Variants in MDGA2 observed in about 807,000 individuals in gnomAD.
The protein encoded by MDGA2 is MAM domain-containing glycosylphosphatidylinositol anchor protein 2.
In MDGA2, 40 loss-of-function variants were observed where a neutral mutation model predicts 117.8. That is an observed-to-expected ratio of 0.34 (90% CI 0.26 to 0.44). The LOEUF (loss-of-function observed/expected upper bound fraction) is 0.44. Among genes scored for constraint, MDGA2 ranks in the 20% least tolerant of loss-of-function variants. The pLI is 1.00. For missense variants in MDGA2, 1,123 were observed against 1,250.6 expected (o/e 0.90, Z 1.54); for synonymous variants, 452 against 439.0 (o/e 1.03, Z -0.37).
intron 8 of MDGA2, among the ~76,000 whole-genome samples, chr14:47,004,998 T>A (rs964043135): frequency 2.0e-5 from 3 of 151,662 alleles, no homozygotes; most frequent in Non-Finnish European, 4.4e-5. Flanking sequence ...AGCTCTAGTA[T>A]CTTTTGTAGA....
intron 2 of MDGA2, among the ~76,000 whole-genome samples, chr14:47,237,232 A>G (rs778103225): frequency 6.6e-6 from 1 of 152,188 alleles, no homozygotes; most frequent in Non-Finnish European, 1.5e-5. Context: ...AAAACACCTT[A>G]GTTCCCTGAC....
intron 1 of MDGA2, among the ~76,000 whole-genome samples, chr14:47,311,394 G>A (rs1889629531): frequency 6.6e-6 from 1 of 152,136 alleles, no homozygotes; most frequent in Admixed American, 6.6e-5. Context: ...GCAGAGAATT[G>A]TGAGGATCTG....
chr14:47,102,931 C>G (rs188392032), intron 5 of MDGA2, among the ~76,000 whole-genome samples: 2 of 152,212 alleles, frequency 1.3e-5, no homozygotes, highest in East Asian at 3.9e-4. Flanking sequence ...GACTTTGTTT[C>G]CATGTAAATC....
chr14:47,659,933 G>A (rs1438153755), intron 1 of MDGA2, among the ~76,000 whole-genome samples: 3 of 152,042 alleles, frequency 2.0e-5, no homozygotes, highest in East Asian at 1.9e-4. Flanking sequence ...TAACATTAGC[G>A]CTATTTCCAG....
At chr14:47,364,256 A>T (rs1461493430) in intron 1 of MDGA2, among the ~76,000 whole-genome samples, 2 of 152,122 alleles carry the variant, frequency 1.3e-5, no homozygotes, top group African/African-American at 4.8e-5. Context: ...TTAATCCAGA[A>T]TTATATTATA....
chr14:47,429,054 G>A (rs972819534), intron 1 of MDGA2, among the ~76,000 whole-genome samples: 12 of 151,972 alleles, frequency 7.9e-5, no homozygotes, highest in Admixed American at 4.6e-4. Context: ...GTAAAACCCC[G>A]TCTCTACTAA....
chr14:46,918,158 T>G (rs991859725), intron 10 of MDGA2, among the ~76,000 whole-genome samples: 2 of 152,180 alleles, frequency 1.3e-5, no homozygotes, highest in Admixed American at 1.3e-4. Flanking sequence ...GATACAATTA[T>G]GACTCTATCT....
Position 46,882,194 on chromosome 14 carries a change from C to A in MDGA2, c.2266G>T (p.Glu756Ter). 1 of 1,611,290 alleles carries A rather than the reference C, an allele frequency of 6.2e-7. No individual in the cohort carries two copies. The highest frequency in any genetic ancestry group is 8.5e-7 in the Non-Finnish European group (1 of 1,178,514). The change falls in exon 11 of 17, where the codon GAG (glutamate) becomes TAG (stop). Residue 756 changes from glutamate to a stop codon, truncating the protein, a stop_gained. Coordinates refer to ENST00000399232, the MANE Select transcript of MDGA2 (RefSeq NM_001113498.3). LOFTEE classifies it high-confidence loss of function. ...TGAATATTCCCATTTATTTTAATCT[C>A]CTGCTCCCACCAGCGCTGCTGTCCA... ...QAGQQRWWEQ[E>*]IKINGNIQKG...
chr14:47,389,596 A>C lies in MDGA2; in HGVS notation c.281-88046T>G, dbSNP rs561942293. The stretch of plus-strand genomic sequence containing the variant: ...ATTACCCTTTTGCAGGAAAACACAC[A>C]CACACACACCCACACACACACACAC... On this transcript the variant is annotated intron_variant, in intron 1 of 16. Coordinates refer to ENST00000399232, the MANE Select transcript of MDGA2 (RefSeq NM_001113498.3). 1.0e-4 allele frequency among the ~76,000 whole-genome samples: 11 copies of C among 108,362 alleles called. No individual in the cohort carries two copies. In the South Asian group the frequency reaches 1.8e-3, roughly 18 times the overall value. The allele number at this position is 108,362 out of a possible 152,430, so 71.1% of individuals were successfully genotyped here.
chr14:47,674,457 C>A (rs1376345128), intron 1 of MDGA2, 60 bp downstream of exon 1: 3 of 1,448,668 alleles, frequency 2.1e-6, no homozygotes, highest in Admixed American at 4.6e-5. Flanking sequence ...TGCATTTTCG[C>A]TCACCAGCCT....
At chr14:47,666,237 C>T (rs1406362464) in intron 1 of MDGA2, among the ~76,000 whole-genome samples, 2 of 146,294 alleles carry the variant, frequency 1.4e-5, no homozygotes, top group Non-Finnish European at 3.1e-5. Context: ...ATTGTGAATA[C>T]ACCAATTGGC....
chr14:47,582,501 A>C (rs1328448159), intron 1 of MDGA2, among the ~76,000 whole-genome samples: 1 of 151,824 alleles, frequency 6.6e-6, no homozygotes, highest in Non-Finnish European at 1.5e-5. Flanking sequence ...CTTTTTGGAA[A>C]CCTAATCATC....
At chr14:46,862,999 T>C (rs1160386805) in intron 14 of MDGA2, among the ~76,000 whole-genome samples, 1 of 152,068 alleles carries the variant, frequency 6.6e-6, no homozygotes, top group Non-Finnish European at 1.5e-5. Context: ...AAAATGTTTT[T>C]AAATTATAGC....
intron 1 of MDGA2, among the ~76,000 whole-genome samples, chr14:47,363,438 A>G (rs567690289): frequency 1.3e-5 from 2 of 151,898 alleles, no homozygotes; most frequent in South Asian, 2.1e-4. Flanking sequence ...TTGTATTTTT[A>G]GTAGAGGTGG....
At chr14:47,384,192 CA>C (rs1891706197) in intron 1 of MDGA2, among the ~76,000 whole-genome samples, 1 of 151,224 alleles carries the variant, frequency 6.6e-6, no homozygotes, top group South Asian at 2.1e-4. Context: ...TTAAAAATTC[CA>C]GGAGGCAATA....
intron 1 of MDGA2, among the ~76,000 whole-genome samples, chr14:47,508,463 CACTT>C (rs139792509): frequency 0.039 from 5,904 of 151,610 alleles, 379 homozygotes; most frequent in African/African-American, 0.14. Context: ...AAAAGAATAA[CACTT>C]ACTCCCATTG....
intron 1 of MDGA2, among the ~76,000 whole-genome samples, chr14:47,397,619 T>C (rs1473800343): frequency 6.6e-6 from 1 of 152,208 alleles, no homozygotes; most frequent in Non-Finnish European, 1.5e-5. Flanking sequence ...CTGGACATTT[T>C]CTTTTCTTTA....
At chr14:47,274,217 T>C (rs1315934299) in intron 2 of MDGA2, among the ~76,000 whole-genome samples, 1 of 152,034 alleles carries the variant, frequency 6.6e-6, no homozygotes. Context: ...TTATCACTCA[T>C]CATCTCTTGC....
At chr14:47,629,331 TG>T (rs1310149289) in intron 1 of MDGA2, among the ~76,000 whole-genome samples, 2 of 152,206 alleles carry the variant, frequency 1.3e-5, no homozygotes, top group Non-Finnish European at 2.9e-5. Flanking sequence ...ACAGATATAT[TG>T]GTATTATTGT....
Sources: gnomAD v4.1 joint callset for allele counts (sites outside exome capture counted in the v4.1 genomes callset) on GRCh38, gnomAD v4.1.1 for gene constraint, MANE v1.5 for transcripts, NCBI Gene and HGNC (gene_info 2026-07-23, HGNC 2026-07-21) for gene names.